PCDH15: variants seen among roughly 807,000 people sequenced by gnomAD.
PCDH15 encodes protocadherin related 15.
In PCDH15, 129 loss-of-function variants were observed where a neutral mutation model predicts 178.5. The ratio of observed to expected loss-of-function variants is 0.72; its 90% CI spans 0.63 to 0.84. The LOEUF (loss-of-function observed/expected upper bound fraction) is 0.84. PCDH15 is among the 40% of genes least tolerant of loss of function. PCDH15 has a pLI of 0.00. For missense variants in PCDH15, 2,230 were observed against 2,099.9 expected, an observed-to-expected ratio of 1.06 and a Z score of -1.21; for synonymous variants, 800 against 732.0, an observed-to-expected ratio of 1.09 and a Z score of -1.50.
chr10:53,901,887 C>CT (rs2082359384), intron 26 of PCDH15, among the ~76,000 whole-genome samples: 1 of 152,160 alleles, frequency 6.6e-6, no homozygotes, highest in Non-Finnish European at 1.5e-5. Context: ...CCTTATCAAA[C>CT]TTTTTTGTTT....
chr10:54,959,697 T>C (rs1196661292), intron 2 of PCDH15, among the ~76,000 whole-genome samples: 3 of 152,090 alleles, frequency 2.0e-5, no homozygotes, highest in Non-Finnish European at 4.4e-5. Flanking sequence ...CTAGCCTTTA[T>C]GTCTATCATC....
chr10:55,289,451 A>G (rs1842954834), intron 1 of PCDH15, among the ~76,000 whole-genome samples: 2 of 151,750 alleles, frequency 1.3e-5, no homozygotes. Flanking sequence ...GGAACAAAAG[A>G]AGGAATGGAA....
chr10:55,052,129 T>C (rs1841178491), intron 2 of PCDH15, among the ~76,000 whole-genome samples: 1 of 151,210 alleles, frequency 6.6e-6, no homozygotes, highest in Non-Finnish European at 1.5e-5. Context: ...GCTCAGTTGC[T>C]CAGGCTGGAG....
intron 10 of PCDH15, among the ~76,000 whole-genome samples, chr10:54,201,263 T>G (rs754971916): frequency 3.3e-5 from 5 of 152,162 alleles, no homozygotes; most frequent in African/African-American, 1.2e-4. Context: ...GTTAGTAAAC[T>G]TGAGATGAAA....
At chr10:55,359,581 G>A (rs1318138889) in intron 2 of PCDH15, among the ~76,000 whole-genome samples, 1 of 151,084 alleles carries the variant, frequency 6.6e-6, no homozygotes, top group Non-Finnish European at 1.5e-5. Flanking sequence ...CCCACAACTG[G>A]GAATAAATTT....
chr10:55,348,320 T>C lies in PCDH15; in HGVS notation c.-155-181669A>G, dbSNP rs564203763. On this transcript the variant is annotated intron_variant, in intron 2 of 5. Coordinates refer to the PCDH15 transcript ENST00000613346. ...GAATATTTGCATCATTGAAGAAAAA[T>C]ATATTGGAGAGTGTTGGTCCTGTTA... Among the ~76,000 whole-genome samples, 26 of 152,170 alleles carry C rather than the reference T, an allele frequency of 1.7e-4. No individual in the cohort carries two copies. The South Asian group carries it at 5.2e-3, about 30-fold the overall frequency.
intron 3 of PCDH15, among the ~76,000 whole-genome samples, chr10:54,863,497 G>A (rs1197764913): frequency 8.5e-5 from 13 of 152,254 alleles, no homozygotes; most frequent in South Asian, 2.1e-4. Flanking sequence ...AGCCGAGATC[G>A]TGCCACTGCG....
rs184014095 is a variant in PCDH15, at chr10:54,751,776, A to G, written c.-29+49149T>C. The stretch of plus-strand genomic sequence containing the variant: ...AAGATACTAATTCTCTGTAATACAT[A>G]AGAAGAAAAGAGAATTAGACAGTAT... On this transcript the variant is annotated intron_variant, in intron 1 of 37. Coordinates refer to ENST00000644397, the MANE Select transcript of PCDH15 (RefSeq NM_001384140.1). Among the ~76,000 whole-genome samples the G allele has an allele frequency of 2.7e-4, 41 of 152,330 alleles. 2 individuals carry two copies. The highest frequency in any genetic ancestry group is 8.7e-4 in the African/African-American group (36 of 41,586).
chr10:54,424,982 C>T (rs1956083365), intron 3 of PCDH15, among the ~76,000 whole-genome samples: 1 of 140,342 alleles, frequency 7.1e-6, no homozygotes, highest in African/African-American at 2.7e-5. Flanking sequence ...ACGTTGTGCA[C>T]ATGTACCCTA....
At chr10:55,319,081 A>G (rs2132297428) in intron 1 of PCDH15, among the ~76,000 whole-genome samples, 1 of 152,102 alleles carries the variant, frequency 6.6e-6, no homozygotes, top group African/African-American at 2.4e-5. Flanking sequence ...ACAAACACAC[A>G]CGATTCCCCT....
intron 2 of PCDH15, among the ~76,000 whole-genome samples, chr10:55,134,007 A>G (rs1838126475): frequency 6.6e-6 from 1 of 152,192 alleles, no homozygotes; most frequent in South Asian, 2.1e-4. Context: ...TAATCCTTTA[A>G]AAATTTAATA....
intron 3 of PCDH15, among the ~76,000 whole-genome samples, chr10:54,516,873 T>G (rs930494278): frequency 6.6e-6 from 1 of 152,146 alleles, no homozygotes; most frequent in African/African-American, 2.4e-5. Flanking sequence ...CGGCAGAAAC[T>G]CTACAAGCCA....
chr10:54,272,551 A>C (rs1651866732), intron 8 of PCDH15, among the ~76,000 whole-genome samples: 1 of 152,154 alleles, frequency 6.6e-6, no homozygotes, highest in Non-Finnish European at 1.5e-5. Context: ...TATTCAAAAG[A>C]TGTTAAGTAA....
chr10:53,913,636 C>T (rs1300842346), intron 25 of PCDH15, among the ~76,000 whole-genome samples: 2 of 149,148 alleles, frequency 1.3e-5, no homozygotes, highest in East Asian at 3.9e-4. Context: ...CCCAGCTACT[C>T]GGGAGGCTGA....
At chr10:55,243,445 A>G (rs1177209320) in intron 1 of PCDH15, among the ~76,000 whole-genome samples, 9 of 152,224 alleles carry the variant, frequency 5.9e-5, no homozygotes, top group Non-Finnish European at 1.0e-4. Context: ...AGACTTTCCA[A>G]AAACCTCCAT....
chr10:55,463,036 A>G (rs866302659), intron 2 of PCDH15, among the ~76,000 whole-genome samples: 1 of 151,478 alleles, frequency 6.6e-6, no homozygotes, highest in Non-Finnish European at 1.5e-5. Flanking sequence ...GTGAACAAAG[A>G]TGAGCAAACA....
intron 2 of PCDH15, among the ~76,000 whole-genome samples, chr10:55,490,726 A>G (rs142999233): frequency 2.0e-3 from 297 of 151,918 alleles, no homozygotes; most frequent in African/African-American, 6.8e-3. Flanking sequence ...AGAAAAAAAT[A>G]TTTAAATAAA....
intron 2 of PCDH15, among the ~76,000 whole-genome samples, chr10:55,626,842 T>A (rs932392313): frequency 6.6e-6 from 1 of 152,128 alleles, no homozygotes; most frequent in Non-Finnish European, 1.5e-5. Context: ...AATAAAAACT[T>A]TAGGCAAGGT....
chr10:55,526,886 A>G (rs1446116848), intron 2 of PCDH15, among the ~76,000 whole-genome samples: 3 of 152,044 alleles, frequency 2.0e-5, no homozygotes, highest in African/African-American at 7.2e-5. Context: ...AAATTCTTCT[A>G]TTATTACTGC....
Sources: allele counts gnomAD v4.1 joint callset (sites outside exome capture counted in the v4.1 genomes callset), GRCh38; gene constraint gnomAD v4.1.1; transcripts MANE v1.5; gene names NCBI Gene and HGNC (gene_info 2026-07-23, HGNC 2026-07-21).